AP3S2: variants seen among roughly 807,000 people sequenced by gnomAD.
The protein encoded by AP3S2 is adaptor related protein complex 3 subunit sigma 2.
In AP3S2, 22 loss-of-function variants were observed where a neutral mutation model predicts 23.4. That is an observed-to-expected ratio of 0.94 (90% CI 0.67 to 1.34). The LOEUF (loss-of-function observed/expected upper bound fraction) is 1.34. Ranked by LOEUF, AP3S2 falls within the 40% of genes most tolerant of loss-of-function variation. The pLI, the probability that AP3S2 is intolerant of heterozygous loss-of-function variation, is 0.00. For missense variants in AP3S2, 241 were observed against 236.9 expected, an observed-to-expected ratio of 1.02 and a Z score of -0.11; for synonymous variants, 86 against 87.1, an observed-to-expected ratio of 0.99 and a Z score of 0.07.
At chr15:89,875,891 G>A (rs1416934229) in intron 3 of AP3S2, among the ~76,000 whole-genome samples, 4 of 152,174 alleles carry the variant, frequency 2.6e-5, no homozygotes, top group African/African-American at 9.7e-5. Flanking sequence ...GTTACAGTGA[G>A]CTGTGATTGT....
In AP3S2 at chr15:89,835,638, G is replaced by T. The variant is rs927581588; in HGVS notation, c.459C>A (p.Gly153=). The T allele has an allele frequency of 4.3e-6, 7 of 1,610,286 alleles. No individual in the cohort carries two copies. Among genetic ancestry groups the T allele is most frequent in the Non-Finnish European group, 5.9e-6 (7 of 1,179,162 alleles). Residue 153 remains glycine, a synonymous_variant, in exon 6 of 6, where the codon GGC becomes GGA. Transcript: ENST00000336418. ...CAGCCCGCGCAGGGGCTGCTGAAAG[G>T]CCACCCTAAGAAGAAATGAGAGGCG... ...AQNRLEKSEG[G]LSAAPARAVS... is the part of the protein sequence containing the mutation.
intron 5 of AP3S2, among the ~76,000 whole-genome samples, 200 bp from the exon 6 acceptor site, chr15:89,835,843 C>T (rs1282862620): frequency 1.3e-5 from 2 of 151,942 alleles, no homozygotes; most frequent in Admixed American, 1.3e-4. Context: ...GCCTGGCCAA[C>T]ATGGTGAAAC....
chr15:89,887,694 G>A (rs760918930), intron 3 of AP3S2, among the ~76,000 whole-genome samples: 3 of 151,352 alleles, frequency 2.0e-5, no homozygotes, highest in African/African-American at 4.9e-5. Flanking sequence ...TTTTTGAGAC[G>A]GAGTCTCACT....
At chr15:89,839,816 A>T (rs1895284212) in intron 4 of AP3S2, among the ~76,000 whole-genome samples, 1 of 152,178 alleles carries the variant, frequency 6.6e-6, no homozygotes. Flanking sequence ...AATACAACAG[A>T]ATATTATTCA....
At chr15:89,835,722 A>AG in intron 5 of AP3S2, 79 bp from the exon 6 acceptor site, 1 of 1,339,130 alleles carries the variant, frequency 7.5e-7, no homozygotes, top group Non-Finnish European at 1.0e-6. Context: ...AAAAAAAAAA[A>AG]GCAAAAACAA....
chr15:89,864,896 AG>A lies in AP3S2; in HGVS notation c.345+6578del, dbSNP rs143474990. ...GACAACCTCACAGAAGAAAGAACAA[AG>A]GCCCTGAATAAACATTTCACTAGAG... On this transcript the variant is annotated intron_variant, in intron 4 of 5. Transcript: ENST00000336418. Among the ~76,000 whole-genome samples, 921 of 152,230 alleles carry A rather than the reference AG, an allele frequency of 6.1e-3. 16 individuals carry two copies. Among genetic ancestry groups the A allele is most frequent in the African/African-American group, 0.021 (887 of 41,528 alleles).
chr15:89,888,753 G>A, intron 2 of AP3S2, 121 bp from the exon 3 acceptor site: 1 of 1,135,580 alleles, frequency 8.8e-7, no homozygotes, highest in Non-Finnish European at 1.2e-6. Flanking sequence ...CTAGAAGCAG[G>A]CCATTCTTAC....
intron 3 of AP3S2, among the ~76,000 whole-genome samples, chr15:89,883,651 C>T (rs1001685906): frequency 6.6e-6 from 1 of 152,004 alleles, no homozygotes; most frequent in Admixed American, 6.6e-5. Context: ...AGGGTTGGGA[C>T]TATAGGTATG....
intron 4 of AP3S2, among the ~76,000 whole-genome samples, chr15:89,858,493 A>AGAGAGAGAG (rs1596200467): frequency 7.6e-4 from 46 of 60,254 alleles, no homozygotes; most frequent in Non-Finnish European, 1.2e-3. Flanking sequence ...GAAAGAAAGA[A>AGAGAGAGAG]AGAGAGAGAG....
At chr15:89,863,329 A>G (rs924923264) in intron 4 of AP3S2, among the ~76,000 whole-genome samples, 1 of 152,170 alleles carries the variant, frequency 6.6e-6, no homozygotes, top group African/African-American at 2.4e-5. Context: ...ATGGAAATGG[A>G]ACTACAGTTA....
At chr15:89,873,753 C>T (rs1896374844) in intron 3 of AP3S2, among the ~76,000 whole-genome samples, 1 of 151,922 alleles carries the variant, frequency 6.6e-6, no homozygotes. Context: ...GTGTGAGCAA[C>T]AAGGCTGTGA....
intron 3 of AP3S2, among the ~76,000 whole-genome samples, chr15:89,873,876 CTTT>C (rs3055916): frequency 2.8e-3 from 218 of 76,842 alleles, no homozygotes; most frequent in Middle Eastern, 0.021. Context: ...TTCTCTGTGG[CTTT>C]TTTTTTTTTT....
At chr15:89,840,803 T>G (rs1369884186) in intron 4 of AP3S2, among the ~76,000 whole-genome samples, 1 of 152,190 alleles carries the variant, frequency 6.6e-6, no homozygotes, top group African/African-American at 2.4e-5. Context: ...CCCAATGTCA[T>G]GTATATTAGC....
chr15:89,870,651 C>A (rs1354240627), intron 4 of AP3S2, among the ~76,000 whole-genome samples: 1 of 152,166 alleles, frequency 6.6e-6, no homozygotes, highest in Non-Finnish European at 1.5e-5. Flanking sequence ...AAAACTCCTA[C>A]TTCATCATGA....
chr15:89,849,684 T>A (rs6496610), intron 4 of AP3S2, among the ~76,000 whole-genome samples: 105,085 of 151,130 alleles, frequency 0.7, 36,868 homozygotes, highest in East Asian at 0.8. Context: ...TGTACTTTTT[T>A]AAAAAAAAAT....
In AP3S2 at chr15:89,833,641, A is replaced by G. The variant is rs1285865782; in HGVS notation, c.*1874T>C. 2.0e-5 allele frequency: 3 copies of G among 152,244 alleles called. No homozygotes were observed. Among genetic ancestry groups the G allele is most frequent in the Non-Finnish European group, 4.4e-5 (3 of 68,034 alleles). The allele number at this position is 152,244 out of a possible 1,614,324, so 9.4% of individuals were successfully genotyped here. A position where few individuals can be genotyped will look rare whatever the true frequency, so the allele number is the denominator to read the frequency against. On this transcript the variant is annotated 3_prime_UTR_variant, in exon 6 of 6. Transcript: ENST00000336418. ...GTGAATGTACTGAAATGTCTGCCAG[A>G]AAAAAGAAAATCCAACCCCTCAAAA...
intron 4 of AP3S2, among the ~76,000 whole-genome samples, chr15:89,840,310 G>A (rs28445616): frequency 0.019 from 2,967 of 152,246 alleles, 75 homozygotes; most frequent in African/African-American, 0.053. Flanking sequence ...GCCAATCCCT[G>A]TGTGGGTAGA....
At chr15:89,892,782 G>A (rs1376627265) in intron 1 of AP3S2, among the ~76,000 whole-genome samples, 2 of 152,206 alleles carry the variant, frequency 1.3e-5, no homozygotes, top group East Asian at 3.8e-4. Context: ...TCCTGCCTCA[G>A]CCTCCTGAGT....
chr15:89,844,975 G>A (rs1172678302), intron 4 of AP3S2, among the ~76,000 whole-genome samples: 1 of 151,168 alleles, frequency 6.6e-6, no homozygotes, highest in Non-Finnish European at 1.5e-5. Flanking sequence ...GCACGATCTC[G>A]GCTCACTGCA....
Sources: allele counts gnomAD v4.1 joint callset (sites outside exome capture counted in the v4.1 genomes callset), GRCh38; gene constraint gnomAD v4.1.1; transcripts MANE v1.5; gene names NCBI Gene and HGNC (gene_info 2026-07-23, HGNC 2026-07-21).